Variants in CFAP43 observed in about 807,000 individuals in gnomAD.
The protein encoded by CFAP43 is cilia- and flagella-associated protein 43.
Under a neutral mutation model 218.9 loss-of-function variants are expected in CFAP43, and 155 were observed. The observed-to-expected ratio is 0.71, with a 90% CI of 0.62 to 0.81. The LOEUF (loss-of-function observed/expected upper bound fraction) is 0.81, where lower values mean the gene tolerates loss of function less well. Ranked by LOEUF, CFAP43 falls within the 30% of genes least tolerant of loss-of-function variation. The pLI, the probability that CFAP43 is intolerant of heterozygous loss-of-function variation, is 0.00. For synonymous variants in CFAP43, 645 were observed against 681.3 expected, an observed-to-expected ratio of 0.95 and a Z score of 0.83; for missense variants, 1,778 against 1,954.3, an observed-to-expected ratio of 0.91 and a Z score of 1.70.
intron 8 of CFAP43, among the ~76,000 whole-genome samples, chr10:104,199,000 C>T (rs989330771): frequency 6.6e-6 from 1 of 152,082 alleles, no homozygotes; most frequent in Non-Finnish European, 1.5e-5. Context: ...ACATTTTTTC[C>T]TGTTTCAAAA....
In CFAP43 at chr10:104,179,056, T is replaced by C. The variant is rs779771276; in HGVS notation, c.2433A>G (p.Lys811=). The C allele has an allele frequency of 2.5e-6, 4 of 1,613,414 alleles. No individual in the cohort carries two copies. In the Admixed American group the frequency reaches 6.7e-5, roughly 27 times the overall value. Residue 811 remains lysine, a synonymous_variant, in exon 19 of 38, where the codon AAA becomes AAG. Transcript: ENST00000357060. The part of the protein sequence containing the change: ...NLFSKKRKEI[K]QGIKSLSKTI... Reference sequence around the variant, plus strand: ...TTTTGGAAAGTGATTTGATTCCTTGTTTTATCTCTTTCCTTTTCTTGGAAA... The same window carrying C: ...TTTTGGAAAGTGATTTGATTCCTTGCTTTATCTCTTTCCTTTTCTTGGAAA...
At chr10:104,227,018 A>G (rs1246060) in intron 2 of CFAP43, among the ~76,000 whole-genome samples, 32,568 of 151,982 alleles carry the variant, frequency 0.21, 3,576 homozygotes, top group South Asian at 0.24. Context: ...ACTCTGTCTC[A>G]TCATATATAT....
intron 2 of CFAP43, 144 bp from the exon 3 acceptor site, chr10:104,225,701 A>T (rs2091289851): frequency 1.5e-6 from 1 of 672,460 alleles, no homozygotes; most frequent in Middle Eastern, 4.2e-4. Context: ...GATCCTGGCT[A>T]ATTTCTAAGA....
At chr10:104,173,929 G>T (rs1365613750) in intron 19 of CFAP43, among the ~76,000 whole-genome samples, 2 of 152,168 alleles carry the variant, frequency 1.3e-5, no homozygotes, top group Admixed American at 6.5e-5. Context: ...TTGCCCAAAA[G>T]AAAAGTTAAT....
Position 104,162,408 on chromosome 10 carries a change from A to G in CFAP43, c.3247-5T>C. 1 of 1,610,802 alleles carries G rather than the reference A, an allele frequency of 6.2e-7. No individual in the cohort carries two copies. Among genetic ancestry groups the G allele is most frequent in the Non-Finnish European group, 8.5e-7 (1 of 1,176,944 alleles). ...AATGTGTTTGTGGGCTGTAATCTGA[A>G]AGAGAAAATGTCATTTCCTGCTATT... On this transcript the variant is annotated splice_polypyrimidine_tract_variant and splice_region_variant and intron_variant, in intron 24 of 37. Transcript: ENST00000357060.
chr10:104,201,781 C>T (rs1336891869), intron 8 of CFAP43, among the ~76,000 whole-genome samples: 1 of 151,768 alleles, frequency 6.6e-6, no homozygotes, highest in Non-Finnish European at 1.5e-5. Flanking sequence ...TTTGTTGCAT[C>T]ATAGACCTTC....
chr10:104,182,385 C>A lies in CFAP43; in HGVS notation c.2270G>T (p.Gly757Val). ...STTPKVSVDL[G>V]SDSEHTKQKA... ...CTCAACTGTGTGTTCAGAATCGGAT[C>A]CCAAATCTACGGAAACTTTTGGTGT... The change falls in exon 17 of 38, where the codon GGA (glycine) becomes GTA (valine). Residue 757 changes from glycine (G) to valine (V), a missense_variant. Coordinates refer to ENST00000357060, the MANE Select transcript of CFAP43 (RefSeq NM_025145.7). 6.2e-7 allele frequency: 1 copy of A among 1,607,054 alleles called. No individual in the cohort carries two copies. Among genetic ancestry groups the A allele is most frequent in the Non-Finnish European group, 8.5e-7 (1 of 1,177,730 alleles).
At chr10:104,147,849 A>C (rs746870012) in intron 29 of CFAP43, 42 bp downstream of exon 29, 1 of 1,409,666 alleles carries the variant, frequency 7.1e-7, no homozygotes, top group Non-Finnish European at 9.8e-7. Flanking sequence ...GGGCATGTCT[A>C]TCAGAAAATG....
intron 20 of CFAP43, among the ~76,000 whole-genome samples, chr10:104,171,361 T>C (rs2134843947): frequency 6.6e-6 from 1 of 152,362 alleles, no homozygotes; most frequent in Middle Eastern, 3.4e-3. Flanking sequence ...ATCCACTACA[T>C]TTCCTCACCT....
chr10:104,222,434 G>A (rs956695603), intron 3 of CFAP43, among the ~76,000 whole-genome samples: 5 of 152,198 alleles, frequency 3.3e-5, no homozygotes, highest in Non-Finnish European at 1.5e-5. Flanking sequence ...TTCCACAGCA[G>A]AGGCTGGAAG....
At chr10:104,230,416 G>T (rs2091418546) in intron 2 of CFAP43, among the ~76,000 whole-genome samples, 174 bp downstream of exon 2, 1 of 152,108 alleles carries the variant, frequency 6.6e-6, no homozygotes, top group South Asian at 2.1e-4. Context: ...AGTGAGCCAA[G>T]ATCGCACCAC....
intron 35 of CFAP43, chr10:104,132,481 G>A (rs2087244169): frequency 3.8e-6 from 1 of 261,994 alleles, no homozygotes; most frequent in Non-Finnish European, 5.9e-6. Context: ...GGGCGTGGTG[G>A]CACATGCCTG....
At chr10:104,157,247 C>T (rs1411582783) in intron 27 of CFAP43, among the ~76,000 whole-genome samples, 1 of 152,076 alleles carries the variant, frequency 6.6e-6, no homozygotes, top group East Asian at 1.9e-4. Context: ...TAAGGCAGGC[C>T]CATACCTTTT....
intron 5 of CFAP43, 57 bp from the exon 6 acceptor site, chr10:104,207,881 G>A: frequency 1.3e-6 from 2 of 1,536,550 alleles, no homozygotes; most frequent in South Asian, 1.3e-5. Context: ...AAAAGCCTGA[G>A]AAATACTCAC....
At chr10:104,195,473 T>G (rs902071124) in intron 10 of CFAP43, among the ~76,000 whole-genome samples, 1 of 152,232 alleles carries the variant, frequency 6.6e-6, no homozygotes, top group Non-Finnish European at 1.5e-5. Context: ...CTTTTCATAT[T>G]TCAAGTTTTC....
chr10:104,192,286 T>C lies in CFAP43; in HGVS notation c.1459A>G (p.Ile487Val). Residue 487 changes from isoleucine (I) to valine (V), a missense_variant, in exon 12 of 38, where the codon ATA (isoleucine) becomes GTA (valine). Around this residue, in one of 3 missense-constraint regions of CFAP43, gnomAD observed 1,553 missense variants for 1,685.2 expected, o/e 0.92. Transcript: ENST00000357060. ...TCTGCTGTTCCAACTAACAGAAATA[T>C]TCCTTGCTGATCATAACTAGAAAAG... ...VQHVVYDQQG[I>V]FLLVGTAEGK... 6.2e-7 allele frequency: 1 copy of C among 1,612,014 alleles called. No individual in the cohort carries two copies. The highest frequency in any genetic ancestry group is 8.5e-7 in the Non-Finnish European group (1 of 1,178,996).
chr10:104,142,222 C>A (rs1231863707), intron 33 of CFAP43, 59 bp downstream of exon 33: 40 of 1,424,220 alleles, frequency 2.8e-5, no homozygotes, highest in Non-Finnish European at 3.6e-5. Flanking sequence ...GATAACACAA[C>A]CTGATTTAGC....
At chr10:104,149,957 C>T (rs759690875) in intron 28 of CFAP43, among the ~76,000 whole-genome samples, 22 of 152,154 alleles carry the variant, frequency 1.4e-4, no homozygotes, top group Non-Finnish European at 2.5e-4. Context: ...TCCTCCTCCC[C>T]ACAAAAGCAA....
At chr10:104,158,989 C>A (rs1303337035) in intron 27 of CFAP43, among the ~76,000 whole-genome samples, 1 of 151,834 alleles carries the variant, frequency 6.6e-6, no homozygotes, top group Non-Finnish European at 1.5e-5. Flanking sequence ...CATTTATGTA[C>A]ATTTGAATAA....
Sources: gnomAD v4.1 joint callset for allele counts (sites outside exome capture counted in the v4.1 genomes callset) on GRCh38, gnomAD v4.1.1 for gene constraint, gnomAD v4.1.1 regional missense constraint, MANE v1.5 for transcripts, NCBI Gene and HGNC (gene_info 2026-07-23, HGNC 2026-07-21) for gene names.